Variants in CDH22 observed in about 807,000 individuals in gnomAD.
CDH22 encodes the protein cadherin-22.
CDH22 carries 30 observed loss-of-function variants against 58.4 expected under a neutral mutation model. That is an observed-to-expected ratio of 0.51 (90% confidence interval 0.38 to 0.70). The LOEUF is 0.70. CDH22 is among the 30% of genes least tolerant of loss of function. CDH22 has a pLI of 0.00. For synonymous variants in CDH22, 513 were observed against 558.2 expected, an observed-to-expected ratio of 0.92 and a Z score of 1.14; for missense variants, 1,014 against 1,233.9, an observed-to-expected ratio of 0.82 and a Z score of 2.67.
At chr20:46,264,767 C>T (rs540302326) in intron 1 of CDH22, among the ~76,000 whole-genome samples, 4 of 152,118 alleles carry the variant, frequency 2.6e-5, no homozygotes, top group Non-Finnish European at 5.9e-5. Context: ...GCCTGAGTCC[C>T]TCCTTAAGGC....
intron 3 of CDH22, among the ~76,000 whole-genome samples, chr20:46,238,911 A>G (rs1401878180): frequency 6.6e-6 from 1 of 152,244 alleles, no homozygotes; most frequent in Non-Finnish European, 1.5e-5. Flanking sequence ...TTGACTTCTC[A>G]GCTTGTTCAG....
chr20:46,290,056 G>A (rs577101614), intron 1 of CDH22, among the ~76,000 whole-genome samples: 3 of 152,340 alleles, frequency 2.0e-5, no homozygotes, highest in Admixed American at 1.3e-4. Flanking sequence ...TCTAGTTAGA[G>A]CTGAGTGTTT....
intron 2 of CDH22, among the ~76,000 whole-genome samples, chr20:46,249,304 C>G (rs1013130803): frequency 6.6e-6 from 1 of 152,212 alleles, no homozygotes; most frequent in African/African-American, 2.4e-5. Flanking sequence ...TTGCCCCATT[C>G]TACCAGCGTC....
At position 46,264,903 on chromosome 20, in the gene CDH22, C is replaced by T. The variant is rs1014665688; in HGVS notation, c.-399-13210G>A. ...ACACACACCGTGCGCGCACACACAC[C>T]GTGCGCACACACACATACCGTGTAC... is the stretch of plus-strand genomic sequence containing the variant. On this transcript the variant is annotated intron_variant, in intron 1 of 11. Coordinates refer to ENST00000537909, the MANE Select transcript of CDH22 (RefSeq NM_021248.3). Among the ~76,000 whole-genome samples the T allele has an allele frequency of 3.3e-5, 5 of 151,328 alleles. No individual in the cohort carries two copies. The East Asian group carries it at 5.8e-4, about 18-fold the overall frequency.
chr20:46,305,755 A>G (rs2086672833), intron 1 of CDH22, among the ~76,000 whole-genome samples: 1 of 152,256 alleles, frequency 6.6e-6, no homozygotes, highest in South Asian at 2.1e-4. Context: ...CTTATCGCCC[A>G]TGTGGTAAAT....
At chr20:46,181,773 T>TTCTTTCTTTCTTTCTTTCTTTC (rs2085790107) in intron 10 of CDH22, among the ~76,000 whole-genome samples, 1 of 136,406 alleles carries the variant, frequency 7.3e-6, no homozygotes, top group Non-Finnish European at 1.6e-5. Flanking sequence ...CTTTCTTTCT[T>TTCTTTCTTTCTTTCTTTCTTTC]TCTTTCTTTC....
chr20:46,235,857 G>A (rs2086248296), intron 3 of CDH22, among the ~76,000 whole-genome samples: 1 of 152,182 alleles, frequency 6.6e-6, no homozygotes, highest in South Asian at 2.1e-4. Flanking sequence ...TTTTCAACAT[G>A]GTGGACAACA....
intron 1 of CDH22, among the ~76,000 whole-genome samples, chr20:46,285,169 C>T (rs2086570534): frequency 6.6e-6 from 1 of 152,214 alleles, no homozygotes; most frequent in Non-Finnish European, 1.5e-5. Flanking sequence ...GGTCTGTGGA[C>T]CAGGTTGCAG....
chr20:46,244,178 C>T (rs558959284), intron 2 of CDH22, among the ~76,000 whole-genome samples: 5 of 152,314 alleles, frequency 3.3e-5, no homozygotes, highest in Admixed American at 3.3e-4. Flanking sequence ...TGTTTTGACT[C>T]AGACCCCAGG....
rs1325313705 is a variant in CDH22, at chr20:46,251,305, C to A, written c.-11G>T. The stretch of plus-strand genomic sequence containing the variant: ...GGGCCTCGGCCTCATCCTTGGCCTG[C>A]GCGGGGCTGGGGCCCAGGAGCATGG... On this transcript the variant is annotated 5_prime_UTR_variant, in exon 2 of 12. Coordinates refer to ENST00000537909, the MANE Select transcript of CDH22 (RefSeq NM_021248.3). This position sits in a 1 kb window ranked among gnomAD's most constrained non-coding sequence, Gnocchi z 6.7. The A allele has an allele frequency of 2.1e-6, 3 of 1,443,574 alleles. No individual in the cohort carries two copies. Among genetic ancestry groups the A allele is most frequent in the Non-Finnish European group, 2.7e-6 (3 of 1,106,906 alleles). 89.4% of individuals were successfully genotyped at this position (1,443,574 alleles called of 1,614,324 possible).
intron 1 of CDH22, among the ~76,000 whole-genome samples, chr20:46,273,638 G>A (rs912651450): frequency 1.2e-4 from 19 of 152,204 alleles, no homozygotes; most frequent in Admixed American, 4.6e-4. Context: ...GCTGTCCGGA[G>A]AGGCAGGGCT....
Position 46,219,058 on chromosome 20 carries a change from G to A in CDH22, c.671-2065C>T, listed in dbSNP as rs567340404. ...AATGGAAGGAGAGGCTGTAGGGCGT[G>A]TGTGTATGTGTGGTGTTTGTGTGTG... On this transcript the variant is annotated intron_variant, in intron 4 of 11. Coordinates refer to ENST00000537909, the MANE Select transcript of CDH22 (RefSeq NM_021248.3). Among the ~76,000 whole-genome samples, 5 of 152,336 alleles carry A rather than the reference G, an allele frequency of 3.3e-5. No homozygotes were observed. The South Asian group carries it at 8.3e-4, about 25-fold the overall frequency.
intron 1 of CDH22, among the ~76,000 whole-genome samples, chr20:46,276,508 G>A (rs2086518000): frequency 1.3e-5 from 2 of 152,130 alleles, no homozygotes; most frequent in Non-Finnish European, 2.9e-5. Flanking sequence ...TAATAACCAT[G>A]GCCAGCATTT....
chr20:46,307,592 A>C (rs2059029361), intron 1 of CDH22, among the ~76,000 whole-genome samples: 1 of 152,040 alleles, frequency 6.6e-6, no homozygotes, highest in Non-Finnish European at 1.5e-5. Flanking sequence ...GCCATAGGGC[A>C]GGGGGGGTCG....
rs574886546 is a variant in CDH22, at chr20:46,295,085, G to C, written c.-400+13170C>G. 7.2e-5 allele frequency among the ~76,000 whole-genome samples: 11 copies of C among 152,314 alleles called. No individual in the cohort carries two copies. The East Asian group carries it at 1.9e-3, about 27-fold the overall frequency. On this transcript the variant is annotated intron_variant, in intron 1 of 11. Transcript: ENST00000537909. ...GCCAGGAAGAGAACAGGCATGCGAG[G>C]AGCCTCTCACTGGCAGGTGAGATCT...
chr20:46,251,647 C>T lies in CDH22; in HGVS notation c.-353G>A, dbSNP rs919913871. ...TGCGCAGAAAGGATGCGGGTTGGGG[C>T]CGGCAGATCCTGCCAGGACTAGGGG... On this transcript the variant is annotated 5_prime_UTR_variant, in exon 2 of 12. Transcript: ENST00000537909. The surrounding 1 kb of genome is among the most constrained non-coding windows in gnomAD (Gnocchi z 6.7). The T allele has an allele frequency of 1.6e-5, 3 of 189,108 alleles. No homozygotes were observed. In the East Asian group the frequency reaches 4.2e-4, roughly 26 times the overall value. The allele number at this position is 189,108 out of a possible 1,614,324, so 11.7% of individuals were successfully genotyped here. A position where few individuals can be genotyped will look rare whatever the true frequency, so the allele number is the denominator to read the frequency against.
intron 3 of CDH22, among the ~76,000 whole-genome samples, chr20:46,229,359 G>A (rs2086203169): frequency 6.6e-6 from 1 of 151,150 alleles, no homozygotes; most frequent in African/African-American, 2.4e-5. Flanking sequence ...AGGGCACAGA[G>A]TGAGGAAGTG....
rs1446386118 is a variant in CDH22, at chr20:46,186,615, G to T, written c.1636C>A (p.Pro546Thr). The stretch of plus-strand genomic sequence containing the variant: ...TGGATGTCAAGCAGAGAGAAATGAG[G>T]GTTGCTGGGAGCTTCAGGCACCAGG... Reference protein sequence around the residue: ...FRLVPEAPSNPHFSLLDIQDN... With the variant: ...FRLVPEAPSNTHFSLLDIQDN... Residue 546 changes from proline (P) to threonine (T), a missense_variant, in exon 10 of 12, where the codon CCT (proline) becomes ACT (threonine). Coordinates refer to ENST00000537909, the MANE Select transcript of CDH22 (RefSeq NM_021248.3). 2.5e-6 allele frequency: 4 copies of T among 1,612,348 alleles called. No homozygotes were observed. In the African/African-American group the frequency reaches 5.3e-5, roughly 22 times the overall value.
At chr20:46,221,873 C>T (rs903844001) in intron 4 of CDH22, among the ~76,000 whole-genome samples, 1 of 152,184 alleles carries the variant, frequency 6.6e-6, no homozygotes, top group African/African-American at 2.4e-5. Context: ...TTCTTGAAAG[C>T]TTCTGGCTCT....
Sources: gnomAD v4.1 joint callset for allele counts (sites outside exome capture counted in the v4.1 genomes callset) on GRCh38, gnomAD v4.1.1 for gene constraint, Gnocchi (gnomAD v3.1) non-coding constraint, MANE v1.5 for transcripts, NCBI Gene and HGNC (gene_info 2026-07-23, HGNC 2026-07-21) for gene names.